The following WNK3 variants were observed in gnomAD, a reference collection of about 807,000 sequenced individuals.
WNK3 encodes the protein serine/threonine-protein kinase WNK3.
A neutral mutation model predicts 116.7 loss-of-function variants in WNK3; 18 were observed. That is an observed-to-expected ratio of 0.15 (90% CI 0.11 to 0.23). The LOEUF (loss-of-function observed/expected upper bound fraction) is 0.23, where lower values mean the gene tolerates loss of function less well. WNK3 is among the 10% of genes least tolerant of loss of function. The pLI is 1.00. For missense variants in WNK3, 993 were observed against 1,323.8 expected (o/e 0.75, Z 3.88); for synonymous variants, 404 against 469.4 (o/e 0.86, Z 1.80).
chrX:54,210,441 C>A (rs961007075), intron 22 of WNK3, among the ~76,000 whole-genome samples: 1 of 110,873 alleles, frequency 9.0e-6, no homozygotes, highest in Admixed American at 9.6e-5. Flanking sequence ...GGCAACATAG[C>A]AAGACCCCAT....
chrX:54,304,540 C>CA lies in WNK3; in HGVS notation c.1090-2682dup, dbSNP rs782215941. Among the ~76,000 whole-genome samples the CA allele has an allele frequency of 5.3e-3, 414 of 77,575 alleles. 1 individual carries two copies. The highest frequency in any genetic ancestry group is 6.3e-3 in the Non-Finnish European group (246 of 38,770). The allele number at this position is 77,575 out of a possible 115,157, so 67.4% of individuals were successfully genotyped here. A position where few individuals can be genotyped will look rare whatever the true frequency, so the allele number is the denominator to read the frequency against. ...TGGGTGACAGAGCAAACACTGTCTCCAAAAAAAAAAAAAAATCATATAATC... is the reference window on the plus strand; with the variant it reads ...TGGGTGACAGAGCAAACACTGTCTCCAAAAAAAAAAAAAAAATCATATAATC... On this transcript the variant is annotated intron_variant, in intron 5 of 23. Coordinates refer to ENST00000354646, the Ensembl canonical transcript of WNK3.
At chrX:54,221,408 A>G (rs1262018855) in intron 22 of WNK3, among the ~76,000 whole-genome samples, 2 of 112,657 alleles carry the variant, frequency 1.8e-5, no homozygotes, top group East Asian at 5.5e-4. Context: ...CAATGAGCTT[A>G]TAACATGTAA....
intron 10 of WNK3, among the ~76,000 whole-genome samples, chrX:54,286,231 G>GA (rs1425215531): frequency 3.7e-5 from 4 of 109,131 alleles, no homozygotes; most frequent in Non-Finnish European, 7.6e-5. Context: ...GGGGGGAGAA[G>GA]AAAAAATGGT....
At chrX:54,193,214 C>T (rs1557139349) in exon 24 of WNK3, 1 of 111,215 alleles carries the variant, frequency 9.0e-6, no homozygotes, top group African/African-American at 3.3e-5. Flanking sequence ...CTGAGTGGCT[C>T]CCATGCTGCA....
intron 2 of WNK3, among the ~76,000 whole-genome samples, chrX:54,321,156 C>T (rs1426739688): frequency 9.0e-6 from 1 of 111,703 alleles, no homozygotes; most frequent in African/African-American, 3.2e-5. Context: ...CTCAGCCTCC[C>T]ACAGTGCTGG....
intron 22 of WNK3, among the ~76,000 whole-genome samples, chrX:54,221,274 A>G (rs781958614): frequency 1.8e-5 from 2 of 112,262 alleles, no homozygotes; most frequent in East Asian, 2.8e-4. Flanking sequence ...AATAAAGCAC[A>G]CTGCTGAAGA....
rs1384377359 is a variant in WNK3, at chrX:54,248,621, G to C, written c.3651+76C>G. 4.4e-6 allele frequency: 4 copies of C among 911,357 alleles called. No individual in the cohort carries two copies. In the African/African-American group the frequency reaches 8.0e-5, roughly 18 times the overall value. 75.1% of individuals were successfully genotyped at this position (911,357 alleles called of 1,213,427 possible). ...ATAGACCATTTCATCTCAAAGGACA[G>C]AATTTTAGAAGAGAAGGCATTTCTT... On this transcript the variant is annotated intron_variant, in intron 17 of 23. Transcript: ENST00000354646.
chrX:54,198,321 G>A (rs1557140654), exon 24 of WNK3: 1 of 1,167,965 alleles, frequency 8.6e-7, no homozygotes, highest in Admixed American at 2.3e-5. Flanking sequence ...CATCTACTCT[G>A]ATTCATTTAG....
In WNK3 at chrX:54,215,347, C is replaced by T. The variant is rs782290785; in HGVS notation, c.4871-13154G>A. Among the ~76,000 whole-genome samples the T allele has an allele frequency of 8.3e-4, 93 of 111,510 alleles. 6 individuals are homozygous for T. The South Asian group carries it at 0.034, about 41-fold the overall frequency. On this transcript the variant is annotated intron_variant, in intron 22 of 23. Coordinates refer to ENST00000354646, the Ensembl canonical transcript of WNK3. The stretch of plus-strand genomic sequence containing the variant: ...CTGGGATTGCAGGCGCGCGCCGCCA[C>T]GCCTGACTGGTTTTCGTATTTTTTG...
intron 11 of WNK3, 96 bp downstream of exon 11, chrX:54,259,178 G>C: frequency 3.0e-6 from 1 of 338,089 alleles, no homozygotes; most frequent in Non-Finnish European, 4.8e-6. Context: ...CAAGAATACA[G>C]AAGCTTCTCT....
At chrX:54,254,653 G>A (rs1557155085) in intron 12 of WNK3, among the ~76,000 whole-genome samples, 1 of 111,315 alleles carries the variant, frequency 9.0e-6, no homozygotes, top group East Asian at 2.8e-4. Context: ...AAGACAGCAA[G>A]TTAGAAAAAA....
intron 22 of WNK3, among the ~76,000 whole-genome samples, chrX:54,219,242 C>T (rs2067733155): frequency 1.8e-5 from 2 of 111,567 alleles, no homozygotes; most frequent in Admixed American, 1.9e-4. Flanking sequence ...AAAAAATAGA[C>T]TTGTCATGTA....
In WNK3 at chrX:54,347,602, A is replaced by G. The variant is rs1412365117; in HGVS notation, c.-120+10084T>C. 3.7e-5 allele frequency among the ~76,000 whole-genome samples: 4 copies of G among 108,416 alleles called. No individual in the cohort carries two copies. The East Asian group carries it at 1.1e-3, about 31-fold the overall frequency. The allele number at this position is 108,416 out of a possible 115,157, so 94.1% of individuals were successfully genotyped here. ...GAGGTTGAGGCTGCAGTTAGCAGTGATTGTGCCACTACACTCCAGCCTGGG... is the reference window on the plus strand; with the variant it reads ...GAGGTTGAGGCTGCAGTTAGCAGTGGTTGTGCCACTACACTCCAGCCTGGG... On this transcript the variant is annotated intron_variant, in intron 1 of 23. Coordinates refer to ENST00000354646, the Ensembl canonical transcript of WNK3.
chrX:54,245,174 G>GTA (rs1228766417), intron 17 of WNK3, among the ~76,000 whole-genome samples: 39 of 107,838 alleles, frequency 3.6e-4, no homozygotes, highest in Non-Finnish European at 6.1e-4. Flanking sequence ...GTGTGTGTGT[G>GTA]TGTGTGTGTG....
intron 5 of WNK3, among the ~76,000 whole-genome samples, chrX:54,306,970 C>T (rs1557168794): frequency 2.2e-4 from 24 of 110,041 alleles, no homozygotes; most frequent in Non-Finnish European, 3.8e-5. Context: ...TGGCTCACAC[C>T]TGTAATCCCA....
chrX:54,228,292 T>G (rs1447788331), intron 22 of WNK3, among the ~76,000 whole-genome samples: 2 of 112,272 alleles, frequency 1.8e-5, no homozygotes, highest in African/African-American at 6.5e-5. Flanking sequence ...TGGATAAACA[T>G]ACATTTTAAT....
At chrX:54,245,469 G>A (rs782757320) in intron 17 of WNK3, among the ~76,000 whole-genome samples, 1 of 109,706 alleles carries the variant, frequency 9.1e-6, no homozygotes, top group East Asian at 2.9e-4. Flanking sequence ...CCTGGGTAAT[G>A]GAGTGAGACC....
At chrX:54,204,807 A>G (rs895820168) in intron 22 of WNK3, among the ~76,000 whole-genome samples, 3 of 112,590 alleles carry the variant, frequency 2.7e-5, no homozygotes, top group Non-Finnish European at 5.6e-5. Flanking sequence ...ACAGGAATGT[A>G]TCAATGCCCA....
intron 22 of WNK3, among the ~76,000 whole-genome samples, chrX:54,219,919 C>G (rs896752733): frequency 3.6e-5 from 4 of 111,194 alleles, no homozygotes; most frequent in Non-Finnish European, 7.5e-5. Flanking sequence ...CTTTTGGGAG[C>G]CAACTGTTCA....
Sources: allele counts gnomAD v4.1 joint callset (sites outside exome capture counted in the v4.1 genomes callset), GRCh38; gene constraint gnomAD v4.1.1; transcripts MANE v1.5; gene names NCBI Gene and HGNC (gene_info 2026-07-23, HGNC 2026-07-21).